The following KCNMA1 variants were observed in gnomAD, a reference collection of about 807,000 sequenced individuals.
KCNMA1 encodes the protein potassium calcium-activated channel subfamily M alpha 1, also known as Calcium-activated potassium channel subunit alpha-1.
In KCNMA1, 29 loss-of-function variants were observed where a neutral mutation model predicts 140.0. That is an observed-to-expected ratio of 0.21 (90% CI 0.15 to 0.28). The LOEUF (loss-of-function observed/expected upper bound fraction) is 0.28, where lower values mean the gene tolerates loss of function less well. Ranked by LOEUF, KCNMA1 falls within the 10% of genes least tolerant of loss-of-function variation. KCNMA1 has a pLI of 1.00. For missense variants in KCNMA1, 880 were observed against 1,602.2 expected, an observed-to-expected ratio of 0.55 and a Z score of 7.70; for synonymous variants, 612 against 611.9, an observed-to-expected ratio of 1.00 and a Z score of 0.00.
chr10:77,484,491 C>T (rs1358258478), intron 1 of KCNMA1, among the ~76,000 whole-genome samples: 1 of 152,238 alleles, frequency 6.6e-6, no homozygotes, highest in Non-Finnish European at 1.5e-5. Context: ...CAGTTGTCTC[C>T]TATTTTAATC....
At chr10:76,954,927 A>C (rs2152997236) in intron 20 of KCNMA1, among the ~76,000 whole-genome samples, 1 of 152,314 alleles carries the variant, frequency 6.6e-6, no homozygotes, top group Middle Eastern at 3.4e-3. Flanking sequence ...CTGCACCTTG[A>C]ATCATAGTCA....
Position 77,108,172 on chromosome 10 carries a change from C to A in KCNMA1, c.1223+309G>T. On this transcript the variant is annotated intron_variant, in intron 9 of 27. Coordinates refer to ENST00000286628, the MANE Select transcript of KCNMA1 (RefSeq NM_001161352.2). The surrounding 1 kb of genome is among the most constrained non-coding windows in gnomAD (Gnocchi z 4.6). ...CATCACACCCCATGCAGAAACTGGG[C>A]CTTCCCTCACAGAAGCACCCGGTGG... is the stretch of plus-strand genomic sequence containing the variant. 1 of 839,088 alleles carries A rather than the reference C, an allele frequency of 1.2e-6. No individual in the cohort carries two copies. Among genetic ancestry groups the A allele is most frequent in the Non-Finnish European group, 1.8e-6 (1 of 556,954 alleles). 52.0% of individuals were successfully genotyped at this position (839,088 alleles called of 1,614,324 possible).
At chr10:77,084,129 T>C (rs2096643276) in intron 12 of KCNMA1, among the ~76,000 whole-genome samples, 1 of 152,026 alleles carries the variant, frequency 6.6e-6, no homozygotes, top group African/African-American at 2.4e-5. Flanking sequence ...GCCAGACAAT[T>C]CTCTGTTTTG....
intron 13 of KCNMA1, 39 bp downstream of exon 13, chr10:77,079,442 A>T: frequency 8.1e-7 from 1 of 1,235,082 alleles, no homozygotes; most frequent in Non-Finnish European, 1.2e-6. Context: ...GGACCTGTGG[A>T]TGGGTCTTCA....
intron 24 of KCNMA1, chr10:76,911,898 A>G (rs1299703678): frequency 2.6e-5 from 4 of 152,180 alleles, no homozygotes; most frequent in Non-Finnish European, 5.9e-5. Flanking sequence ...ATAGCCACCA[A>G]TGGTGTGTGT....
At chr10:77,159,110 G>A (rs908831802) in intron 5 of KCNMA1, among the ~76,000 whole-genome samples, 4 of 152,208 alleles carry the variant, frequency 2.6e-5, no homozygotes, top group African/African-American at 4.8e-5. Flanking sequence ...TATATGACAC[G>A]GCTGTGAATT....
intron 2 of KCNMA1, among the ~76,000 whole-genome samples, chr10:77,328,562 T>C (rs1054167321): frequency 2.6e-5 from 4 of 152,220 alleles, no homozygotes; most frequent in Non-Finnish European, 5.9e-5. Context: ...AAAATGTTTG[T>C]CTACTCAGAC....
chr10:77,171,388 T>TGTGTGTGC (rs2098705255), intron 5 of KCNMA1, among the ~76,000 whole-genome samples: 1 of 116,086 alleles, frequency 8.6e-6, no homozygotes, highest in African/African-American at 3.8e-5. Context: ...TACGTGTGCG[T>TGTGTGTGC]GTGTGTGTGT....
intron 23 of KCNMA1, among the ~76,000 whole-genome samples, chr10:76,941,437 G>T (rs1290209625): frequency 1.3e-5 from 2 of 152,170 alleles, no homozygotes; most frequent in Admixed American, 1.3e-4. Flanking sequence ...GTGGAGTGCT[G>T]GGTCTGCAGC....
chr10:77,312,442 A>G (rs550070904), intron 2 of KCNMA1, among the ~76,000 whole-genome samples: 24 of 152,332 alleles, frequency 1.6e-4, no homozygotes, highest in African/African-American at 5.8e-4. Flanking sequence ...CCTGGCCAAC[A>G]TGGTGAAACC....
At position 77,322,190 on chromosome 10, in the gene KCNMA1, C is replaced by A. The variant is rs6480859; in HGVS notation, c.541-70934G>T. On this transcript the variant is annotated intron_variant, in intron 2 of 27. Coordinates refer to ENST00000286628, the MANE Select transcript of KCNMA1 (RefSeq NM_001161352.2). ...AGCAGGTAGAGGCATTTTACTGACT[C>A]GGACTAGGAGGGACATATATTATTT... Among the ~76,000 whole-genome samples, 9 of 152,100 alleles carry A rather than the reference C, an allele frequency of 5.9e-5. No homozygotes were observed. In the South Asian group the frequency reaches 1.9e-3, roughly 32 times the overall value.
intron 23 of KCNMA1, among the ~76,000 whole-genome samples, chr10:76,935,884 T>G (rs2060428540): frequency 6.6e-6 from 1 of 152,202 alleles, no homozygotes; most frequent in Admixed American, 6.5e-5. Context: ...CTTCTGCACA[T>G]CCACTCTCCA....
chr10:77,287,535 T>C (rs577949673), intron 2 of KCNMA1, among the ~76,000 whole-genome samples: 1 of 152,334 alleles, frequency 6.6e-6, no homozygotes, highest in East Asian at 1.9e-4. Flanking sequence ...TATGGACAAC[T>C]GGGAATTACC....
chr10:77,008,226 C>G, intron 18 of KCNMA1: 1 of 1,526,846 alleles, frequency 6.5e-7, no homozygotes, highest in African/African-American at 1.4e-5. Context: ...GAGTAGGGGC[C>G]GTATTCCAAG....
intron 1 of KCNMA1, among the ~76,000 whole-genome samples, chr10:77,549,700 A>G (rs2062290744): frequency 6.6e-6 from 1 of 152,224 alleles, no homozygotes; most frequent in Non-Finnish European, 1.5e-5. Flanking sequence ...CATTTTCAGT[A>G]ACGTCCTGTC....
chr10:77,330,636 C>T (rs11002124), intron 2 of KCNMA1, among the ~76,000 whole-genome samples: 7,948 of 152,182 alleles, frequency 0.052, 346 homozygotes, highest in East Asian at 0.18. Context: ...CCCGATTATA[C>T]AGAAAGGTAG....
intron 2 of KCNMA1, among the ~76,000 whole-genome samples, chr10:77,371,461 G>A (rs1258524407): frequency 1.3e-5 from 2 of 152,084 alleles, no homozygotes; most frequent in Non-Finnish European, 2.9e-5. Context: ...CTTGACCCCT[G>A]GGCTGATTTT....
chr10:77,433,068 T>C (rs1387643166), intron 1 of KCNMA1, among the ~76,000 whole-genome samples: 2 of 152,166 alleles, frequency 1.3e-5, no homozygotes, highest in African/African-American at 2.4e-5. Flanking sequence ...AATCAGGCAA[T>C]GGTCATGAGG....
At chr10:76,905,311 C>T (rs760742159) in intron 25 of KCNMA1, among the ~76,000 whole-genome samples, 2 of 152,074 alleles carry the variant, frequency 1.3e-5, no homozygotes, top group Non-Finnish European at 2.9e-5. Context: ...TCAAGGGTTG[C>T]GCTTCAGGAA....
Sources: gnomAD v4.1 joint callset for allele counts (sites outside exome capture counted in the v4.1 genomes callset) on GRCh38, gnomAD v4.1.1 for gene constraint, Gnocchi (gnomAD v3.1) non-coding constraint, MANE v1.5 for transcripts, NCBI Gene and HGNC (gene_info 2026-07-23, HGNC 2026-07-21) for gene names.